DOCK4: variants seen among roughly 807,000 people sequenced by gnomAD.
DOCK4 encodes the protein dedicator of cytokinesis protein 4.
Under a neutral mutation model 268.1 loss-of-function variants are expected in DOCK4, and 97 were observed. That is an observed-to-expected ratio of 0.36 (90% CI 0.31 to 0.43). The LOEUF is 0.43. Ranked by LOEUF, DOCK4 falls within the 20% of genes least tolerant of loss-of-function variation. The pLI, the probability that DOCK4 is intolerant of heterozygous loss-of-function variation, is 1.00. For synonymous variants in DOCK4, 954 were observed against 887.2 expected, an observed-to-expected ratio of 1.08 and a Z score of -1.34; for missense variants, 2,145 against 2,455.7, an observed-to-expected ratio of 0.87 and a Z score of 2.67.
chr7:112,155,789 TATC>T (rs1816557695), intron 1 of DOCK4, among the ~76,000 whole-genome samples: 1 of 152,158 alleles, frequency 6.6e-6, no homozygotes, highest in Non-Finnish European at 1.5e-5. Context: ...AGAGGCAGCC[TATC>T]ATCATCCAAA....
chr7:112,146,227 T>C (rs1241823470), intron 1 of DOCK4, among the ~76,000 whole-genome samples: 4 of 152,306 alleles, frequency 2.6e-5, no homozygotes, highest in Non-Finnish European at 5.9e-5. Context: ...AGCCTTTTTC[T>C]AAGGTTGGCA....
intron 1 of DOCK4, among the ~76,000 whole-genome samples, chr7:112,067,933 G>A (rs1332827650): frequency 6.6e-6 from 1 of 152,144 alleles, no homozygotes; most frequent in African/African-American, 2.4e-5. Context: ...TTAGACTGCA[G>A]GGCGACTACG....
chr7:111,941,541 C>T (rs1562918196), intron 10 of DOCK4, among the ~76,000 whole-genome samples: 1 of 151,884 alleles, frequency 6.6e-6, no homozygotes, highest in Non-Finnish European at 1.5e-5. Context: ...TTAAAACATG[C>T]TTTTTTCTTA....
At chr7:112,017,621 C>T (rs1424070147) in intron 1 of DOCK4, among the ~76,000 whole-genome samples, 1 of 152,174 alleles carries the variant, frequency 6.6e-6, no homozygotes, top group African/African-American at 2.4e-5. Context: ...GGCGATCCAT[C>T]CATACTGTTC....
intron 1 of DOCK4, among the ~76,000 whole-genome samples, chr7:112,059,046 C>G (rs184827142): frequency 6.6e-6 from 1 of 151,104 alleles, no homozygotes; most frequent in Non-Finnish European, 1.5e-5. Flanking sequence ...TACAACCACT[C>G]GGGAAATTCA....
At chr7:111,834,031 T>G (rs1803049768) in intron 26 of DOCK4, among the ~76,000 whole-genome samples, 1 of 152,204 alleles carries the variant, frequency 6.6e-6, no homozygotes, top group Admixed American at 6.5e-5. Flanking sequence ...GCATTACAGT[T>G]CTGTGAATCT....
intron 23 of DOCK4, among the ~76,000 whole-genome samples, chr7:111,849,258 G>C (rs1253391570): frequency 2.8e-5 from 4 of 143,768 alleles, no homozygotes; most frequent in African/African-American, 1.0e-4. Flanking sequence ...TTTCTTCCTA[G>C]TTACTTTTTT....
chr7:112,201,284 G>A (rs144284491), intron 1 of DOCK4, among the ~76,000 whole-genome samples: 103 of 152,262 alleles, frequency 6.8e-4, no homozygotes, highest in Non-Finnish European at 7.4e-5. Context: ...ACCCAGATGA[G>A]TTCAAAAACT....
At chr7:111,878,661 T>C (rs1807119044) in intron 16 of DOCK4, among the ~76,000 whole-genome samples, 1 of 152,056 alleles carries the variant, frequency 6.6e-6, no homozygotes, top group South Asian at 2.1e-4. Context: ...TGCAAGTTTG[T>C]AGGATAATGC....
chr7:111,728,609 G>A lies in DOCK4; in HGVS notation c.5593C>T (p.Arg1865Trp), dbSNP rs1022380308. 1 of 1,614,004 alleles carries A rather than the reference G, an allele frequency of 6.2e-7. No homozygotes were observed. Among genetic ancestry groups the A allele is most frequent in the South Asian group, 1.1e-5 (1 of 91,086 alleles). ...SYSSGISSLS[R>W]CSTSETSGFE... ...CCTGAGGTTTCCGACGTGCTGCACCGGCTGAGAGAAGAAATCCCACTGCTG... is the reference window on the plus strand; with the variant it reads ...CCTGAGGTTTCCGACGTGCTGCACCAGCTGAGAGAAGAAATCCCACTGCTG... Residue 1865 changes from arginine to tryptophan, a missense_variant, in exon 53 of 53, where the codon CGG (arginine) becomes TGG (tryptophan). By Grantham distance (101) the Arg-to-Trp change is moderately radical (BLOSUM62 -3). Coordinates refer to ENST00000428084, the MANE Select transcript of DOCK4 (RefSeq NM_001363540.2).
chr7:111,971,558 G>A (rs1480131581), intron 8 of DOCK4: 2 of 191,686 alleles, frequency 1.0e-5, no homozygotes, highest in Non-Finnish European at 2.1e-5. Context: ...GTTACCATCA[G>A]TTGAGCCTTC....
intron 2 of DOCK4, among the ~76,000 whole-genome samples, chr7:112,001,135 T>A (rs1327080048): frequency 6.6e-6 from 1 of 152,220 alleles, no homozygotes; most frequent in Non-Finnish European, 1.5e-5. Context: ...CACATTTTCA[T>A]CAGCACAATG....
At chr7:112,154,293 T>C (rs1816397002) in intron 1 of DOCK4, among the ~76,000 whole-genome samples, 1 of 152,114 alleles carries the variant, frequency 6.6e-6, no homozygotes, top group South Asian at 2.1e-4. Context: ...ATACTGTTTT[T>C]AGATGAAAAG....
At chr7:111,976,534 T>C (rs1449622185) in intron 8 of DOCK4, 1 of 151,488 alleles carries the variant, frequency 6.6e-6, no homozygotes, top group African/African-American at 2.4e-5. Context: ...GTTGAGACTT[T>C]CGAATAAAAA....
chr7:111,762,757 G>GTTTTATTTTTTTTTTTTTTTTTT, intron 39 of DOCK4, among the ~76,000 whole-genome samples: 1 of 55,006 alleles, frequency 1.8e-5, no homozygotes, highest in Non-Finnish European at 3.7e-5. Context: ...ATTTTGTTTT[G>GTTTTATTTTTTTTTTTTTTTTTT]TTTTCTTTTT....
At chr7:111,933,419 G>A (rs920434711) in intron 12 of DOCK4, among the ~76,000 whole-genome samples, 28 of 150,098 alleles carry the variant, frequency 1.9e-4, no homozygotes, top group African/African-American at 4.9e-4. Flanking sequence ...CTCAGACTCC[G>A]GAGTAGCTGG....
At chr7:111,818,407 C>G (rs1801720742) in intron 27 of DOCK4, among the ~76,000 whole-genome samples, 1 of 151,710 alleles carries the variant, frequency 6.6e-6, no homozygotes, top group Non-Finnish European at 1.5e-5. Flanking sequence ...AATGCTACTC[C>G]TCTTTCCATT....
At chr7:111,749,322 T>C (rs1225856052) in intron 42 of DOCK4, among the ~76,000 whole-genome samples, 2 of 152,140 alleles carry the variant, frequency 1.3e-5, no homozygotes, top group Non-Finnish European at 2.9e-5. Flanking sequence ...TCTTAGAACA[T>C]AGAATGGTGG....
chr7:112,205,372 C>T (rs531428414), intron 1 of DOCK4, among the ~76,000 whole-genome samples: 10 of 152,256 alleles, frequency 6.6e-5, no homozygotes, highest in African/African-American at 2.2e-4. Context: ...ACTGCGCTCA[C>T]CCGGGGTCGA....
Sources: gnomAD v4.1 joint callset for allele counts (sites outside exome capture counted in the v4.1 genomes callset) on GRCh38, gnomAD v4.1.1 for gene constraint, MANE v1.5 for transcripts, NCBI Gene and HGNC (gene_info 2026-07-23, HGNC 2026-07-21) for gene names.